Variants in ZYG11B observed in about 807,000 individuals in gnomAD.
The protein encoded by ZYG11B is protein zyg-11 homolog B.
Under a neutral mutation model 82.4 loss-of-function variants are expected in ZYG11B, and 36 were observed. That is an observed-to-expected ratio of 0.44 (90% CI 0.33 to 0.58). ZYG11B has a LOEUF of 0.58. ZYG11B is among the 20% of genes least tolerant of loss of function. ZYG11B has a pLI of 0.02. For synonymous variants in ZYG11B, 303 were observed against 312.8 expected, an observed-to-expected ratio of 0.97 and a Z score of 0.33; for missense variants, 552 against 895.6, an observed-to-expected ratio of 0.62 and a Z score of 4.90.
rs1174129140 is a variant in ZYG11B at position 52,803,083 on chromosome 1, TAC to T, written c.1695+948_1695+949del. On this transcript the variant is annotated intron_variant, in intron 10 of 13. Coordinates refer to ENST00000294353, the MANE Select transcript of ZYG11B (RefSeq NM_024646.3). ...ATTTTTGCCACTATATATATATATATACACATATATATATACATATATATATA... is the reference window on the plus strand; with the variant it reads ...ATTTTTGCCACTATATATATATATATACATATATATATACATATATATATA... 2.6e-4 allele frequency among the ~76,000 whole-genome samples: 10 copies of T among 38,260 alleles called. 2 individuals carry two copies. The highest frequency in any genetic ancestry group is 1.3e-3 in the Admixed American group (3 of 2,366). 25.1% of individuals were successfully genotyped at this position (38,260 alleles called of 152,430 possible).
At chr1:52,816,780 C>CTTTTTTTTT (rs71044423) in intron 13 of ZYG11B, 151 bp downstream of exon 13, 4 of 229,284 alleles carry the variant, frequency 1.7e-5, no homozygotes, top group Non-Finnish European at 2.9e-5. Context: ...TTAAGGTATT[C>CTTTTTTTTT]TTTTTTTTTT....
rs1248410579 is a variant in ZYG11B at position 52,734,682 on chromosome 1, G to GT, written c.30+8001dup. On this transcript the variant is annotated intron_variant, in intron 1 of 13. Transcript: ENST00000294353. ...AAAAAAAAGTGATTTGGCAGTATGAGTTCAAGAACCACAAAATTGTACACA... is the reference window on the plus strand; with the variant it reads ...AAAAAAAAGTGATTTGGCAGTATGAGTTTCAAGAACCACAAAATTGTACACA... 2.4e-4 allele frequency among the ~76,000 whole-genome samples: 36 copies of GT among 151,254 alleles called. No individual in the cohort carries two copies. In the East Asian group the frequency reaches 7.1e-3, roughly 30 times the overall value.
At chr1:52,749,128 G>A (rs1196954472) in intron 1 of ZYG11B, among the ~76,000 whole-genome samples, 6 of 152,090 alleles carry the variant, frequency 3.9e-5, no homozygotes, top group Non-Finnish European at 5.9e-5. Context: ...GCTTGAACCC[G>A]GGAGGTGGAG....
chr1:52,737,073 G>T (rs1031392226), intron 1 of ZYG11B, among the ~76,000 whole-genome samples: 19 of 150,790 alleles, frequency 1.3e-4, no homozygotes, highest in Admixed American at 1.1e-3. Context: ...GGAATGCTGG[G>T]GTTTCACCAT....
At chr1:52,817,817 T>TATATATA (rs1558145372) in intron 13 of ZYG11B, among the ~76,000 whole-genome samples, 6 of 8,570 alleles carry the variant, frequency 7.0e-4, no homozygotes, top group Non-Finnish European at 1.2e-3. Context: ...ATATATATAT[T>TATATATA]TTTTTTTTTT....
At chr1:52,758,403 A>T (rs568311287) in intron 2 of ZYG11B, among the ~76,000 whole-genome samples, 2 of 152,070 alleles carry the variant, frequency 1.3e-5, no homozygotes, top group Admixed American at 6.6e-5. Context: ...TAGCTCTATT[A>T]TCATTCCCGT....
chr1:52,755,424 A>G (rs570618284), intron 1 of ZYG11B, among the ~76,000 whole-genome samples: 1 of 151,924 alleles, frequency 6.6e-6, no homozygotes, highest in South Asian at 2.1e-4. Context: ...AAGTCTTTCA[A>G]CTTTGTTTTT....
chr1:52,797,851 C>T (rs923207380), intron 8 of ZYG11B, among the ~76,000 whole-genome samples: 4 of 150,308 alleles, frequency 2.7e-5, no homozygotes, highest in Middle Eastern at 3.2e-3. Context: ...GCTAGGCATG[C>T]GGTGACCCAC....
intron 2 of ZYG11B, among the ~76,000 whole-genome samples, chr1:52,766,779 C>T (rs556651727): frequency 5.9e-5 from 9 of 152,188 alleles, no homozygotes; most frequent in African/African-American, 1.7e-4. Flanking sequence ...GAGGCCGAGG[C>T]GGGCGGATCA....
intron 1 of ZYG11B, among the ~76,000 whole-genome samples, chr1:52,739,173 GAC>G (rs372454072): frequency 6.6e-6 from 1 of 151,198 alleles, no homozygotes; most frequent in African/African-American, 2.4e-5. Flanking sequence ...TTTTAGTAGA[GAC>G]AGAGTTTCAC....
At chr1:52,790,950 T>G (rs1484002217) in intron 6 of ZYG11B, among the ~76,000 whole-genome samples, 2 of 151,652 alleles carry the variant, frequency 1.3e-5, no homozygotes, top group East Asian at 3.9e-4. Context: ...TTTTTTTTAT[T>G]TTACTATTTT....
At chr1:52,801,088 T>C (rs1310470417) in intron 8 of ZYG11B, among the ~76,000 whole-genome samples, 1 of 152,108 alleles carries the variant, frequency 6.6e-6, no homozygotes, top group African/African-American at 2.4e-5. Flanking sequence ...CACCTGGAAT[T>C]TCAAAGCTAT....
intron 1 of ZYG11B, among the ~76,000 whole-genome samples, chr1:52,741,315 A>AAAAAAAAAAAAAG (rs1553257617): frequency 4.2e-5 from 6 of 142,652 alleles, no homozygotes; most frequent in African/African-American, 1.4e-4. Context: ...AAAAAAAAAA[A>AAAAAAAAAAAAAG]AAAAGAAAAG....
At chr1:52,805,268 A>G (rs913709008) in intron 10 of ZYG11B, 5 of 337,098 alleles carry the variant, frequency 1.5e-5, no homozygotes, top group African/African-American at 1.1e-4. Context: ...TAGATTAGTG[A>G]GTTAAAAAAT....
At chr1:52,768,842 C>T (rs1021949697) in intron 2 of ZYG11B, among the ~76,000 whole-genome samples, 3 of 152,144 alleles carry the variant, frequency 2.0e-5, no homozygotes, top group Non-Finnish European at 4.4e-5. Context: ...GATCCATCCG[C>T]CTCGGCCTCC....
intron 1 of ZYG11B, among the ~76,000 whole-genome samples, chr1:52,747,188 C>T (rs2149924799): frequency 6.6e-6 from 1 of 152,110 alleles, no homozygotes; most frequent in East Asian, 1.9e-4. Flanking sequence ...TGCCTGTCTA[C>T]TAGGGTGCCA....
At chr1:52,729,016 A>T (rs1644307833) in intron 1 of ZYG11B, among the ~76,000 whole-genome samples, 1 of 152,204 alleles carries the variant, frequency 6.6e-6, no homozygotes, top group African/African-American at 2.4e-5. Context: ...ATCTACTGTA[A>T]CAAAATACCA....
chr1:52,772,226 C>A, intron 3 of ZYG11B: 4 of 1,417,626 alleles, frequency 2.8e-6, no homozygotes, highest in Non-Finnish European at 4.0e-6. Context: ...GTAGATGATT[C>A]ATATTTCCAA....
intron 4 of ZYG11B, among the ~76,000 whole-genome samples, chr1:52,780,680 G>A (rs181811064): frequency 5.9e-5 from 9 of 152,230 alleles, no homozygotes; most frequent in African/African-American, 9.6e-5. Context: ...TGCAGTGGCT[G>A]TTCACAGGCC....
Sources: gnomAD v4.1 joint callset for allele counts (sites outside exome capture counted in the v4.1 genomes callset) on GRCh38, gnomAD v4.1.1 for gene constraint, MANE v1.5 for transcripts, NCBI Gene and HGNC (gene_info 2026-07-23, HGNC 2026-07-21) for gene names.